Variants in PDE1C observed in about 807,000 individuals in gnomAD.
PDE1C encodes phosphodiesterase 1C, also known as dual specificity calcium/calmodulin-dependent 3',5'-cyclic nucleotide phosphodiesterase 1C.
In PDE1C, 62 loss-of-function variants were observed where a neutral mutation model predicts 93.1. The observed-to-expected ratio is 0.67, with a 90% CI of 0.54 to 0.82. The LOEUF is 0.82. Ranked by LOEUF, PDE1C falls within the 40% of genes least tolerant of loss-of-function variation. The pLI, the probability that PDE1C is intolerant of heterozygous loss-of-function variation, is 0.00. For missense variants in PDE1C, 742 were observed against 884.6 expected (o/e 0.84, Z 2.04); for synonymous variants, 325 against 310.1 (o/e 1.05, Z -0.50).
chr7:31,627,188 C>T, the PDE1C span, among the ~76,000 whole-genome samples: 2 of 152,308 alleles, frequency 1.3e-5, no homozygotes, highest in Non-Finnish European at 2.9e-5. Context: ...GTTGTCCATG[C>T]AGTGCCTGGC....
chr7:31,700,961 G>A, the PDE1C span, among the ~76,000 whole-genome samples: 1 of 152,132 alleles, frequency 6.6e-6, no homozygotes, highest in African/African-American at 2.4e-5. Flanking sequence ...CATCACCCAA[G>A]AGCTCTGATG....
At chr7:31,880,270 C>T (rs953225706) in intron 3 of PDE1C, among the ~76,000 whole-genome samples, 7 of 152,118 alleles carry the variant, frequency 4.6e-5, no homozygotes, top group African/African-American at 1.7e-4. Flanking sequence ...TGGAATAAAC[C>T]TGCTAAGTAA....
intron 1 of PDE1C, among the ~76,000 whole-genome samples, chr7:32,288,537 T>C (rs1229176931): frequency 6.6e-6 from 1 of 152,146 alleles, no homozygotes; most frequent in Non-Finnish European, 1.5e-5. Context: ...GTTGGAAAAC[T>C]GGGTTTCTGT....
chr7:32,033,139 ACT>A (rs1222188893), intron 2 of PDE1C, among the ~76,000 whole-genome samples: 1 of 151,846 alleles, frequency 6.6e-6, no homozygotes, highest in Non-Finnish European at 1.5e-5. Context: ...GAAGGGGCAG[ACT>A]CTCTCTTGAT....
intron 1 of PDE1C, among the ~76,000 whole-genome samples, chr7:32,312,517 T>C (rs541451932): frequency 1.3e-5 from 2 of 152,290 alleles, no homozygotes; most frequent in East Asian, 3.9e-4. Flanking sequence ...ACTACAAGGC[T>C]ACAGTAACCA....
intron 1 of PDE1C, among the ~76,000 whole-genome samples, chr7:32,420,025 G>C (rs1311107391): frequency 7.1e-6 from 1 of 140,780 alleles, no homozygotes; most frequent in African/African-American, 2.7e-5. Context: ...AGGAGTTCAA[G>C]ACCAGCCTGG....
intron 1 of PDE1C, among the ~76,000 whole-genome samples, chr7:32,244,880 C>T (rs939388628): frequency 2.1e-4 from 32 of 152,216 alleles, no homozygotes; most frequent in Non-Finnish European, 3.8e-4. Flanking sequence ...TGCCCAGCTG[C>T]CCACTAAACA....
chr7:31,965,638 T>A (rs4442029), intron 2 of PDE1C, among the ~76,000 whole-genome samples: 19 of 151,846 alleles, frequency 1.3e-4, no homozygotes, highest in Non-Finnish European at 2.8e-4. Context: ...AGAAGAGCAA[T>A]TCCAAGACAC....
At chr7:31,842,861 G>C (rs538843441) in intron 9 of PDE1C, among the ~76,000 whole-genome samples, 33 of 151,582 alleles carry the variant, frequency 2.2e-4, no homozygotes, top group Admixed American at 7.2e-4. Context: ...TTCCTACTAT[G>C]AACATTTATA....
chr7:32,072,408 G>A (rs112861353), upstream of PDE1C, among the ~76,000 whole-genome samples: 1 of 152,170 alleles, frequency 6.6e-6, no homozygotes, highest in Admixed American at 6.5e-5. Context: ...TTTTAACATG[G>A]AGTTCATCTA....
the PDE1C span, among the ~76,000 whole-genome samples, chr7:31,732,278 A>G: frequency 6.6e-6 from 1 of 152,152 alleles, no homozygotes; most frequent in Non-Finnish European, 1.5e-5. Flanking sequence ...ATTATTGGAC[A>G]CCACCTGGAC....
intron 16 of PDE1C, among the ~76,000 whole-genome samples, chr7:31,805,421 T>C (rs1161753893): frequency 3.3e-5 from 5 of 151,892 alleles, no homozygotes; most frequent in East Asian, 2.0e-4. Flanking sequence ...GGGAGTACTA[T>C]TGTACTCTTA....
At chr7:32,100,839 G>A (rs1324594902) in intron 3 of PDE1C, among the ~76,000 whole-genome samples, 1 of 152,032 alleles carries the variant, frequency 6.6e-6, no homozygotes, top group East Asian at 1.9e-4. Context: ...GTTCTCCCTA[G>A]TATTCAAACA....
At chr7:31,954,782 G>A (rs1352711840) in intron 2 of PDE1C, among the ~76,000 whole-genome samples, 1 of 152,118 alleles carries the variant, frequency 6.6e-6, no homozygotes, top group Non-Finnish European at 1.5e-5. Context: ...CACCAAAAAG[G>A]TTTTTGCTAT....
At chr7:32,403,026 C>A (rs1197829904) in intron 1 of PDE1C, among the ~76,000 whole-genome samples, 1 of 152,088 alleles carries the variant, frequency 6.6e-6, no homozygotes, top group Non-Finnish European at 1.5e-5. Context: ...CTGTGGGGTG[C>A]GCCCACCCGA....
At chr7:31,671,371 G>A in the PDE1C span, among the ~76,000 whole-genome samples, 3 of 152,178 alleles carry the variant, frequency 2.0e-5, no homozygotes, top group Non-Finnish European at 4.4e-5. Context: ...CCTACAAGGG[G>A]TTGAGTGCAG....
intron 3 of PDE1C, among the ~76,000 whole-genome samples, chr7:32,122,528 T>C (rs2128765144): frequency 6.6e-6 from 1 of 152,268 alleles, no homozygotes; most frequent in South Asian, 2.1e-4. Flanking sequence ...TAGACCACAA[T>C]GCAATCAAAT....
At chr7:32,265,055 T>G (rs1379941400) in intron 1 of PDE1C, among the ~76,000 whole-genome samples, 1 of 151,870 alleles carries the variant, frequency 6.6e-6, no homozygotes, top group African/African-American at 2.4e-5. Flanking sequence ...AAATTAAGGG[T>G]AGTAATGGGT....
intron 1 of PDE1C, among the ~76,000 whole-genome samples, chr7:32,245,511 C>T (rs1808860979): frequency 6.6e-6 from 1 of 152,172 alleles, no homozygotes; most frequent in Non-Finnish European, 1.5e-5. Context: ...CTTTCGCCAC[C>T]TTCCCCTCCT....
Sources: allele counts gnomAD v4.1 joint callset (sites outside exome capture counted in the v4.1 genomes callset), GRCh38; gene constraint gnomAD v4.1.1; transcripts MANE v1.5; gene names NCBI Gene and HGNC (gene_info 2026-07-23, HGNC 2026-07-21).